The following CCDC136 variants were observed in gnomAD, a reference collection of about 807,000 sequenced individuals.
The protein encoded by CCDC136 is coiled-coil domain-containing protein 136.
A neutral mutation model predicts 141.2 loss-of-function variants in CCDC136; 100 were observed. The observed-to-expected ratio is 0.71, with a 90% CI of 0.60 to 0.84. CCDC136 has a LOEUF of 0.84. CCDC136 is among the 40% of genes least tolerant of loss of function. The pLI, the probability that CCDC136 is intolerant of heterozygous loss-of-function variation, is 0.00. For missense variants in CCDC136, 1,206 were observed against 1,379.4 expected, an observed-to-expected ratio of 0.87 and a Z score of 1.99; for synonymous variants, 474 against 531.9, an observed-to-expected ratio of 0.89 and a Z score of 1.50.
rs2270591 is a variant in CCDC136 at position 128,815,971 on chromosome 7, T to C, written c.3363+40T>C. Reference sequence around the variant, plus strand: ...AGCCTAGATCAAGTGGGAAGTGGGGTCTTGGGCTCAGATAACTCCGAGTTA... The same window carrying C: ...AGCCTAGATCAAGTGGGAAGTGGGGCCTTGGGCTCAGATAACTCCGAGTTA... On this transcript the variant is annotated intron_variant, in intron 16 of 17. Transcript: ENST00000297788. 4.4e-3 allele frequency: 6,944 copies of C among 1,569,000 alleles called. 137 individuals carry two copies. The highest frequency in any genetic ancestry group is 0.043 in the East Asian group (1,916 of 44,492).
intron 3 of CCDC136, among the ~76,000 whole-genome samples, chr7:128,799,197 A>AT (rs1162924208): frequency 1.2e-4 from 16 of 138,512 alleles, no homozygotes; most frequent in Non-Finnish European, 2.1e-4. Context: ...AAAAAAAAAA[A>AT]GCAGGGCATG....
chr7:128,807,573 T>C, intron 10 of CCDC136, 28 bp downstream of exon 10: 1 of 1,326,752 alleles, frequency 7.5e-7, no homozygotes, highest in Non-Finnish European at 9.8e-7. Flanking sequence ...AGGTGACAGC[T>C]CCTGGGCACT....
At chr7:128,807,740 A>G in intron 10 of CCDC136, 195 bp downstream of exon 10, 1 of 404,296 alleles carries the variant, frequency 2.5e-6, no homozygotes, top group East Asian at 3.9e-5. Context: ...ACAGCTTAGT[A>G]GGATCAATAC....
chr7:128,806,046 G>A (rs777214602), intron 7 of CCDC136, 145 bp downstream of exon 7: 7 of 1,077,618 alleles, frequency 6.5e-6, no homozygotes, highest in Admixed American at 4.8e-5. Flanking sequence ...GAAACCAACT[G>A]TAGAAGTCAT....
At chr7:128,813,771 A>T (rs1474127123) in intron 14 of CCDC136, among the ~76,000 whole-genome samples, 1 of 152,166 alleles carries the variant, frequency 6.6e-6, no homozygotes, top group East Asian at 1.9e-4. Flanking sequence ...ACTTGAGGTC[A>T]GGAGTTTGAG....
At chr7:128,815,184 G>A (rs1279159740) in intron 15 of CCDC136, among the ~76,000 whole-genome samples, 1 of 152,206 alleles carries the variant, frequency 6.6e-6, no homozygotes, top group East Asian at 1.9e-4. Flanking sequence ...AACTCCTTCA[G>A]TTTGCCCAGC....
intron 17 of CCDC136, among the ~76,000 whole-genome samples, chr7:128,819,602 A>G (rs1359746465): frequency 6.6e-6 from 1 of 152,148 alleles, no homozygotes; most frequent in Non-Finnish European, 1.5e-5. Flanking sequence ...TGTTCTAATC[A>G]CTTACGTATA....
At position 128,805,981 on chromosome 7, in the gene CCDC136, G is replaced by T. The variant is rs1804780497; in HGVS notation, c.1089+80G>T. On this transcript the variant is annotated intron_variant, in intron 7 of 17. Coordinates refer to ENST00000297788, the MANE Select transcript of CCDC136 (RefSeq NM_022742.5). This position sits in a 1 kb window ranked among gnomAD's most constrained non-coding sequence, Gnocchi z 4.6. ...GGCTGCTTCAACCGGGGTGGGCACAGTGAGTATGGCTGTGCTCTGCTGACT... is the reference window on the plus strand; with the variant it reads ...GGCTGCTTCAACCGGGGTGGGCACATTGAGTATGGCTGTGCTCTGCTGACT... 27 of 1,529,296 alleles carry T rather than the reference G, an allele frequency of 1.8e-5. 2 individuals are homozygous for T. The South Asian group carries it at 3.1e-4, about 18-fold the overall frequency. The allele number at this position is 1,529,296 out of a possible 1,614,324, so 94.7% of individuals were successfully genotyped here. A position where few individuals can be genotyped will look rare whatever the true frequency, so the allele number is the denominator to read the frequency against.
intron 7 of CCDC136, 124 bp downstream of exon 7, chr7:128,806,025 A>G (rs781518356): frequency 4.1e-5 from 50 of 1,221,858 alleles, no homozygotes; most frequent in Non-Finnish European, 4.9e-5. Context: ...GCAACTGGGC[A>G]CAGTCTGCTG....
intron 5 of CCDC136, 104 bp downstream of exon 5, chr7:128,804,865 G>A: frequency 1.5e-6 from 1 of 687,250 alleles, no homozygotes; most frequent in South Asian, 1.8e-5. Flanking sequence ...GCGTTCCTTT[G>A]CTCCTGGAGA....
At chr7:128,791,403 C>A, upstream of CCDC136, 1 of 899,460 alleles carries the variant, frequency 1.1e-6, no homozygotes, top group Non-Finnish European at 1.5e-6. The surrounding 1 kb of genome is among the most constrained non-coding windows in gnomAD (Gnocchi z 7.1). Flanking sequence ...CTCGTCCGCC[C>A]TCCCTCCCTC....
chr7:128,814,984 C>A lies in CCDC136; in HGVS notation c.3045+65C>A, dbSNP rs1298732353. The A allele has an allele frequency of 5.1e-5, 67 of 1,301,708 alleles. 1 individual carries two copies. 80.6% of individuals were successfully genotyped at this position (1,301,708 alleles called of 1,614,324 possible). ...GAGGAGATCCTGGGAAGAAGCATTG[C>A]CTCCACAACCCTTTCAACCAGGCAA... On this transcript the variant is annotated intron_variant, in intron 15 of 17. Transcript: ENST00000297788.
rs1803998017 is a variant in CCDC136 at position 128,801,406 on chromosome 7, G to A, written c.567G>A (p.Arg189=). ...QNELEDMERI[R]GDYEMEIASL... ...AACTTGAAGACATGGAACGCATTCGGGGAGATTATGAGATGGAGATCGCCT... is the reference window on the plus strand; with the variant it reads ...AACTTGAAGACATGGAACGCATTCGAGGAGATTATGAGATGGAGATCGCCT... Residue 189 remains arginine (R), a synonymous_variant, in exon 4 of 18, where the codon CGG becomes CGA. Transcript: ENST00000297788. The A allele has an allele frequency of 8.7e-6, 14 of 1,613,408 alleles. No individual in the cohort carries two copies. The highest frequency in any genetic ancestry group is 1.2e-5 in the Non-Finnish European group (14 of 1,179,632).
Position 128,809,527 on chromosome 7 carries a change from G to A in CCDC136, c.1683G>A (p.Gln561=), listed in dbSNP as rs1362635299. 2 of 1,555,862 alleles carry A rather than the reference G, an allele frequency of 1.3e-6. No individual in the cohort carries two copies. The highest frequency in any genetic ancestry group is 1.4e-5 in the African/African-American group (1 of 73,322). Residue 561 remains glutamine (Q), a synonymous_variant, in exon 11 of 18, where the codon CAG becomes CAA. Coordinates refer to ENST00000297788, the MANE Select transcript of CCDC136 (RefSeq NM_022742.5). ...GCCAGAAGGAGATGGGGCAGCTGCA[G>A]ATGGAGCAGTGTGAGCTCCTGGAGG... ...KASQKEMGQL[Q]MEQCELLEDQ...
Position 128,805,552 on chromosome 7 carries a change from G to A in CCDC136, c.948+28G>A, listed in dbSNP as rs371462726. 18 of 1,578,580 alleles carry A rather than the reference G, an allele frequency of 1.1e-5. No individual in the cohort carries two copies. Among genetic ancestry groups the A allele is most frequent in the Non-Finnish European group, 1.5e-5 (17 of 1,161,092 alleles). On this transcript the variant is annotated intron_variant, in intron 6 of 17. Transcript: ENST00000297788. This position sits in a 1 kb window ranked among gnomAD's most constrained non-coding sequence, Gnocchi z 4.6. ...AGGGCACAGAGGGTGGGGAAGGCAGGCACATTTCTTGTCTTTCTTTCACCT... is the reference window on the plus strand; with the variant it reads ...AGGGCACAGAGGGTGGGGAAGGCAGACACATTTCTTGTCTTTCTTTCACCT...
chr7:128,820,823 A>G (rs1490430438), intron 17 of CCDC136, among the ~76,000 whole-genome samples: 1 of 152,158 alleles, frequency 6.6e-6, no homozygotes, highest in Admixed American at 6.5e-5. Context: ...AGCTATTTCT[A>G]TAAGCTCAGG....
intron 10 of CCDC136, chr7:128,808,860 C>T (rs573619929): frequency 1.6e-5 from 16 of 985,354 alleles, no homozygotes; most frequent in African/African-American, 1.7e-5. Context: ...TTTCTCTAGC[C>T]GTAAAACAGC....
rs1480089420 is a variant in CCDC136 at position 128,810,097 on chromosome 7, A to T, written c.1801-42A>T. ...AAGGAGGCATCAGACTTCCTGTGTG[A>T]CCACCACCATCCCTTGCCTCCTTCC... On this transcript the variant is annotated intron_variant, in intron 11 of 17. Transcript: ENST00000297788. The T allele has an allele frequency of 5.5e-6, 7 of 1,271,296 alleles. No individual in the cohort carries two copies. The Admixed American group carries it at 1.6e-4, about 28-fold the overall frequency. The allele number at this position is 1,271,296 out of a possible 1,614,324, so 78.8% of individuals were successfully genotyped here.
rs1305780625 is a variant in CCDC136, at chr7:128,806,672, GC to G, written c.1249-11del. The G allele has an allele frequency of 6.2e-7, 1 of 1,604,582 alleles. No individual in the cohort carries two copies. Among genetic ancestry groups the G allele is most frequent in the Non-Finnish European group, 8.5e-7 (1 of 1,176,224 alleles). Reference sequence around the variant, plus strand: ...AAGGAGCCCAAAGGCACTGCCCAAAGCCCCCTCTACCATAGGAGTTACTGTG... The same window carrying G: ...AAGGAGCCCAAAGGCACTGCCCAAAGCCCCTCTACCATAGGAGTTACTGTG... On this transcript the variant is annotated splice_polypyrimidine_tract_variant and intron_variant, in intron 8 of 17. Transcript: ENST00000297788.
Sources: gnomAD v4.1 joint callset for allele counts (sites outside exome capture counted in the v4.1 genomes callset) on GRCh38, gnomAD v4.1.1 for gene constraint, Gnocchi (gnomAD v3.1) non-coding constraint, MANE v1.5 for transcripts, NCBI Gene and HGNC (gene_info 2026-07-23, HGNC 2026-07-21) for gene names.